Variants in ACVR1 observed in about 807,000 individuals in gnomAD.
The protein encoded by ACVR1 is activin A receptor type 1, also known as activin receptor type-1.
A neutral mutation model predicts 57.1 loss-of-function variants in ACVR1; 38 were observed. That is an observed-to-expected ratio of 0.67 (90% CI 0.51 to 0.87). The LOEUF (loss-of-function observed/expected upper bound fraction) is 0.87, where lower values mean the gene tolerates loss of function less well. ACVR1 is among the 40% of genes least tolerant of loss of function. The pLI is 0.00. For synonymous variants in ACVR1, 212 were observed against 228.1 expected (o/e 0.93, Z 0.63); for missense variants, 463 against 638.2 (o/e 0.73, Z 2.96).
chr2:157,839,614 C>T (rs1157739316), intron 1 of ACVR1, among the ~76,000 whole-genome samples: 1 of 152,110 alleles, frequency 6.6e-6, no homozygotes, highest in Non-Finnish European at 1.5e-5. Flanking sequence ...ACAGGGAAAG[C>T]TAATTGATCT....
chr2:157,808,879 TA>T (rs71404307), intron 2 of ACVR1, among the ~76,000 whole-genome samples: 1,676 of 137,952 alleles, frequency 0.012, 30 homozygotes, highest in African/African-American at 0.042. Flanking sequence ...GTAATACATT[TA>T]AAAAAAAAAA....
intron 1 of ACVR1, among the ~76,000 whole-genome samples, chr2:157,863,451 C>A (rs1246926357): frequency 7.6e-6 from 1 of 132,306 alleles, no homozygotes; most frequent in Non-Finnish European, 1.5e-5. Flanking sequence ...AATCCCAGCA[C>A]TTTGGGAGGC....
intron 2 of ACVR1, among the ~76,000 whole-genome samples, chr2:157,810,269 C>T (rs769762869): frequency 4.1e-4 from 63 of 152,246 alleles, no homozygotes; most frequent in Non-Finnish European, 7.4e-4. Flanking sequence ...CTGTACCAGG[C>T]AATCCCTTAA....
intron 9 of ACVR1, among the ~76,000 whole-genome samples, chr2:157,755,420 G>A (rs561253264): frequency 1.3e-5 from 2 of 152,118 alleles, no homozygotes; most frequent in South Asian, 4.1e-4. Flanking sequence ...AAGTTTCTGG[G>A]TGCAAAATTA....
At chr2:157,738,105 T>C (rs1684609517) in intron 10 of ACVR1, among the ~76,000 whole-genome samples, 1 of 152,156 alleles carries the variant, frequency 6.6e-6, no homozygotes, top group South Asian at 2.1e-4. Context: ...GGAAAGGAGG[T>C]TAAAAGCTTC....
intron 9 of ACVR1, among the ~76,000 whole-genome samples, chr2:157,755,727 T>A (rs1685400372): frequency 6.6e-6 from 1 of 152,036 alleles, no homozygotes. Context: ...ATTGTGAAAG[T>A]AACCATAATG....
chr2:157,768,288 T>C lies in ACVR1; in HGVS notation c.790+2080A>G, dbSNP rs180671660. 3.2e-3 allele frequency among the ~76,000 whole-genome samples: 493 copies of C among 152,274 alleles called. 13 individuals carry two copies. The highest frequency in any genetic ancestry group is 7.8e-4 in the Non-Finnish European group (53 of 68,018). Reference sequence around the variant, plus strand: ...TGGCCACAATATGCATCAAAATGTGTTCTTGGACATTAGTTATTCTTAATA... The same window carrying C: ...TGGCCACAATATGCATCAAAATGTGCTCTTGGACATTAGTTATTCTTAATA... On this transcript the variant is annotated intron_variant, in intron 7 of 10. Coordinates refer to ENST00000434821, the MANE Select transcript of ACVR1 (RefSeq NM_001111067.4).
chr2:157,834,555 A>T (rs1423889102), intron 1 of ACVR1, among the ~76,000 whole-genome samples: 3 of 152,200 alleles, frequency 2.0e-5, no homozygotes, highest in African/African-American at 7.2e-5. Flanking sequence ...AGACAGCAAG[A>T]ATAGAGAGCT....
intron 2 of ACVR1, among the ~76,000 whole-genome samples, chr2:157,811,937 A>C (rs1038325051): frequency 1.3e-5 from 2 of 152,248 alleles, no homozygotes; most frequent in African/African-American, 4.8e-5. Context: ...GCAAATAAGT[A>C]CCTATGAAGT....
intron 2 of ACVR1, 81 bp from the exon 3 acceptor site, chr2:157,799,581 C>A (rs566721888): frequency 1.8e-6 from 2 of 1,103,410 alleles, no homozygotes; most frequent in Non-Finnish European, 2.8e-6. Context: ...CACCTTCAAA[C>A]TGCCATTCAA....
chr2:157,816,304 A>C (rs1434464634), intron 2 of ACVR1, among the ~76,000 whole-genome samples: 4 of 152,114 alleles, frequency 2.6e-5, no homozygotes, highest in Non-Finnish European at 5.9e-5. Flanking sequence ...CTGAAATGAA[A>C]TAATCAAAAT....
At chr2:157,796,890 C>A (rs1234519008) in intron 3 of ACVR1, among the ~76,000 whole-genome samples, 1 of 152,150 alleles carries the variant, frequency 6.6e-6, no homozygotes, top group Non-Finnish European at 1.5e-5. Context: ...CTTCCCCATA[C>A]CTTCTTGGCA....
intron 1 of ACVR1, among the ~76,000 whole-genome samples, chr2:157,839,319 T>C (rs1035493350): frequency 9.9e-5 from 15 of 152,204 alleles, no homozygotes; most frequent in Non-Finnish European, 1.8e-4. Context: ...AATTGCTGCA[T>C]GCTAAGCAAT....
chr2:157,813,901 C>T (rs903263657), intron 2 of ACVR1, among the ~76,000 whole-genome samples: 1 of 152,020 alleles, frequency 6.6e-6, no homozygotes, highest in Non-Finnish European at 1.5e-5. Context: ...CTAAAAAAAC[C>T]CCACATGACA....
chr2:157,846,863 A>G (rs186441399), intron 1 of ACVR1, among the ~76,000 whole-genome samples: 1 of 152,346 alleles, frequency 6.6e-6, no homozygotes, highest in East Asian at 1.9e-4. Flanking sequence ...GCAGGAGAGT[A>G]GGTATAAAGT....
intron 1 of ACVR1, among the ~76,000 whole-genome samples, chr2:157,832,572 G>A (rs1688621427): frequency 1.3e-5 from 2 of 152,130 alleles, no homozygotes; most frequent in South Asian, 4.1e-4. Flanking sequence ...ACTCTTTAAT[G>A]CAAGACCTTT....
intron 1 of ACVR1, among the ~76,000 whole-genome samples, chr2:157,863,655 C>T (rs1017835587): frequency 6.6e-6 from 1 of 151,232 alleles, no homozygotes; most frequent in Non-Finnish European, 1.5e-5. Flanking sequence ...CGAGATCACG[C>T]CACTGCACTT....
rs1238310816 is a variant in ACVR1, at chr2:157,737,597, T to C, written c.1464A>G (p.Ala488=). 1 of 1,614,104 alleles carries C rather than the reference T, an allele frequency of 6.2e-7. No homozygotes were observed. The highest frequency in any genetic ancestry group is 8.5e-7 in the Non-Finnish European group (1 of 1,179,938). Residue 488 remains alanine, a synonymous_variant, in exon 11 of 11, where the codon GCA becomes GCG. Transcript: ENST00000434821. ...WYQNPSARLT[A]LRIKKTLTKI... ...TGGTCAAAGTCTTTTTGATACGCAG[T>C]GCTGTGAGTCTTGCGGATGGATTTT...
At chr2:157,749,192 A>C (rs1389753571) in intron 9 of ACVR1, among the ~76,000 whole-genome samples, 2 of 152,198 alleles carry the variant, frequency 1.3e-5, no homozygotes, top group Non-Finnish European at 2.9e-5. Context: ...CCCAATTTGA[A>C]AGAGTATACT....
Sources: allele counts gnomAD v4.1 joint callset (sites outside exome capture counted in the v4.1 genomes callset), GRCh38; gene constraint gnomAD v4.1.1; transcripts MANE v1.5; gene names NCBI Gene and HGNC (gene_info 2026-07-23, HGNC 2026-07-21).